PTPRD: variants seen among roughly 807,000 people sequenced by gnomAD.
PTPRD encodes receptor-type tyrosine-protein phosphatase delta.
Under a neutral mutation model 214.5 loss-of-function variants are expected in PTPRD, and 34 were observed. That is an observed-to-expected ratio of 0.16 (90% CI 0.12 to 0.21). The LOEUF is 0.21. Among genes scored for constraint, PTPRD ranks in the 10% least tolerant of loss-of-function variants. The probability of loss-of-function intolerance (pLI) is 1.00; values close to 1 mark genes in which losing one functional copy is unlikely to be tolerated. For synonymous variants in PTPRD, 1,128 were observed against 845.7 expected (o/e 1.33, Z -5.79); for missense variants, 2,545 against 2,398.7 (o/e 1.06, Z -1.27).
chr9:9,580,679 G>A (rs532677276), intron 7 of PTPRD, among the ~76,000 whole-genome samples: 1 of 150,950 alleles, frequency 6.6e-6, no homozygotes, highest in South Asian at 2.1e-4. Flanking sequence ...CTCCTGAATA[G>A]CTGGGATTAC....
At chr9:10,262,184 T>A (rs964542926) in intron 3 of PTPRD, among the ~76,000 whole-genome samples, 4 of 151,408 alleles carry the variant, frequency 2.6e-5, no homozygotes, top group Admixed American at 1.3e-4. Flanking sequence ...AAAGAAAAAT[T>A]AAAAAAAAAT....
intron 2 of PTPRD, among the ~76,000 whole-genome samples, chr9:10,354,612 A>T (rs563132658): frequency 5.9e-5 from 9 of 152,174 alleles, no homozygotes; most frequent in Admixed American, 5.2e-4. Flanking sequence ...TTACTTAGCA[A>T]TTTTATCTTC....
At chr9:9,677,071 G>T (rs1445920488) in intron 7 of PTPRD, among the ~76,000 whole-genome samples, 1 of 151,924 alleles carries the variant, frequency 6.6e-6, no homozygotes, top group African/African-American at 2.4e-5. Context: ...CTCCCATTTT[G>T]TAGGTTGCCT....
At chr9:10,514,509 T>C (rs766672614) in intron 2 of PTPRD, among the ~76,000 whole-genome samples, 1 of 151,798 alleles carries the variant, frequency 6.6e-6, no homozygotes, top group Non-Finnish European at 1.5e-5. Flanking sequence ...GATTTTCTCT[T>C]AGGCAATGAA....
intron 2 of PTPRD, among the ~76,000 whole-genome samples, chr9:10,593,037 A>T (rs2075852934): frequency 6.6e-6 from 1 of 151,986 alleles, no homozygotes; most frequent in Admixed American, 6.6e-5. Flanking sequence ...ACTCACCACG[A>T]AGGTCTGCGG....
Position 9,395,738 on chromosome 9 carries a change from A to C in PTPRD, c.-203+1711T>G, listed in dbSNP as rs28517886. Among the ~76,000 whole-genome samples the C allele has an allele frequency of 8.9e-3, 1,354 of 152,130 alleles. 19 individuals carry two copies. The highest frequency in any genetic ancestry group is 0.03 in the African/African-American group (1,261 of 41,528). The stretch of plus-strand genomic sequence containing the variant: ...TGAACTAGCTGAACAAATAGACTGG[A>C]AAGCATTCACAACGTCAGTAGGAAT... On this transcript the variant is annotated intron_variant, in intron 9 of 45. Transcript: ENST00000381196.
At chr9:9,592,759 T>G (rs1282131669) in intron 7 of PTPRD, among the ~76,000 whole-genome samples, 1 of 151,964 alleles carries the variant, frequency 6.6e-6, no homozygotes, top group Admixed American at 6.6e-5. Context: ...CAGGATTATA[T>G]GGCTGTAGGG....
At chr9:9,551,580 G>T (rs2080255039) in intron 8 of PTPRD, among the ~76,000 whole-genome samples, 1 of 151,910 alleles carries the variant, frequency 6.6e-6, no homozygotes, top group Non-Finnish European at 1.5e-5. Flanking sequence ...CAGAGTACAG[G>T]CTGAAGATAT....
intron 7 of PTPRD, among the ~76,000 whole-genome samples, chr9:9,620,275 C>G (rs73641340): frequency 6.6e-6 from 1 of 152,150 alleles, no homozygotes; most frequent in Non-Finnish European, 1.5e-5. Flanking sequence ...CCGATACCTA[C>G]ATTTATCTAG....
intron 5 of PTPRD, among the ~76,000 whole-genome samples, chr9:9,909,597 G>A (rs2078596978): frequency 6.6e-6 from 1 of 151,514 alleles, no homozygotes; most frequent in African/African-American, 2.4e-5. Flanking sequence ...ATAAAATATG[G>A]GGCAGTTTAA....
At chr9:8,456,892 C>T (rs2096227589) in intron 33 of PTPRD, among the ~76,000 whole-genome samples, 2 of 152,110 alleles carry the variant, frequency 1.3e-5, no homozygotes, top group Non-Finnish European at 2.9e-5. Flanking sequence ...ACTTTTTATC[C>T]ATCTTGAAAT....
intron 7 of PTPRD, among the ~76,000 whole-genome samples, chr9:9,696,806 T>C (rs147995795): frequency 2.0e-5 from 3 of 152,224 alleles, no homozygotes; most frequent in East Asian, 1.9e-4. Flanking sequence ...AAACACAATG[T>C]TATTATTGAT....
intron 10 of PTPRD, among the ~76,000 whole-genome samples, chr9:9,062,459 C>G (rs2099709250): frequency 6.6e-6 from 1 of 152,108 alleles, no homozygotes. Context: ...TCAGTCATCA[C>G]AAGTTTTCCT....
At chr9:9,950,204 C>T (rs1357615459) in intron 4 of PTPRD, among the ~76,000 whole-genome samples, 7 of 152,270 alleles carry the variant, frequency 4.6e-5, no homozygotes, top group African/African-American at 1.7e-4. Context: ...TGTCTTAAAC[C>T]TGTGCAACAC....
intron 9 of PTPRD, among the ~76,000 whole-genome samples, chr9:9,320,067 G>A (rs1965664832): frequency 6.6e-6 from 1 of 152,004 alleles, no homozygotes; most frequent in Non-Finnish European, 1.5e-5. Flanking sequence ...CCTCATTTTT[G>A]TTTTAAATGA....
intron 3 of PTPRD, among the ~76,000 whole-genome samples, chr9:10,144,434 T>G (rs1005127887): frequency 1.3e-5 from 2 of 152,146 alleles, no homozygotes; most frequent in Non-Finnish European, 2.9e-5. Flanking sequence ...GCCTTTTCTA[T>G]TTCAGTACCC....
intron 2 of PTPRD, among the ~76,000 whole-genome samples, chr9:10,577,432 G>T (rs1052426316): frequency 2.6e-5 from 4 of 152,120 alleles, no homozygotes; most frequent in African/African-American, 9.7e-5. Context: ...TTAATAATCA[G>T]CTTTGGCTTT....
At chr9:9,723,057 T>C (rs1490721052) in intron 7 of PTPRD, among the ~76,000 whole-genome samples, 8 of 152,100 alleles carry the variant, frequency 5.3e-5, no homozygotes, top group Admixed American at 5.2e-4. Flanking sequence ...ATTCAATTTA[T>C]CTATTTTTCT....
chr9:9,327,658 G>A (rs182557991), intron 9 of PTPRD, among the ~76,000 whole-genome samples: 1 of 152,152 alleles, frequency 6.6e-6, no homozygotes, highest in East Asian at 1.9e-4. Context: ...GAGAATGTGG[G>A]AAATAATAAC....
Sources: gnomAD v4.1 joint callset for allele counts (sites outside exome capture counted in the v4.1 genomes callset) on GRCh38, gnomAD v4.1.1 for gene constraint, MANE v1.5 for transcripts, NCBI Gene and HGNC (gene_info 2026-07-23, HGNC 2026-07-21) for gene names.